RGS7: variants seen among roughly 807,000 people sequenced by gnomAD.
The protein encoded by RGS7 is regulator of G protein signaling 7, also known as regulator of G-protein signaling 7.
A neutral mutation model predicts 81.1 loss-of-function variants in RGS7; 27 were observed. That is an observed-to-expected ratio of 0.33 (90% CI 0.25 to 0.46). RGS7 has a LOEUF of 0.46. Ranked by LOEUF, RGS7 falls within the 20% of genes least tolerant of loss-of-function variation. The pLI is 1.00. For missense variants in RGS7, 396 were observed against 607.4 expected, an observed-to-expected ratio of 0.65 and a Z score of 3.66; for synonymous variants, 208 against 207.7, an observed-to-expected ratio of 1.00 and a Z score of -0.01.
chr1:241,137,607 G>A (rs1430378849), intron 2 of RGS7, among the ~76,000 whole-genome samples: 4 of 152,156 alleles, frequency 2.6e-5, no homozygotes, highest in Non-Finnish European at 5.9e-5. Flanking sequence ...AGTCACATTA[G>A]GCTCAATTCA....
chr1:241,296,745 G>A (rs953646334), intron 2 of RGS7, among the ~76,000 whole-genome samples: 1 of 152,222 alleles, frequency 6.6e-6, no homozygotes, highest in Non-Finnish European at 1.5e-5. Flanking sequence ...AGACACTGCT[G>A]TGTGGGACTC....
intron 2 of RGS7, among the ~76,000 whole-genome samples, chr1:241,204,325 C>T (rs1270173023): frequency 2.0e-5 from 3 of 152,168 alleles, no homozygotes; most frequent in African/African-American, 7.2e-5. Context: ...ATTTGCTCAC[C>T]AAGTTCTAGA....
chr1:241,056,481 C>T (rs2061486220), intron 3 of RGS7, among the ~76,000 whole-genome samples: 1 of 152,186 alleles, frequency 6.6e-6, no homozygotes, highest in Admixed American at 6.5e-5. Flanking sequence ...CCACATTTCT[C>T]TGGTTTACTA....
At chr1:241,350,335 T>C (rs10737863) in intron 2 of RGS7, among the ~76,000 whole-genome samples, 148,002 of 152,264 alleles carry the variant, frequency 0.97, 72,068 homozygotes, top group East Asian at 1. Context: ...GACAACATCC[T>C]TTGGTCCAGA....
chr1:241,298,416 A>G (rs2148486999), intron 2 of RGS7, among the ~76,000 whole-genome samples: 1 of 152,276 alleles, frequency 6.6e-6, no homozygotes, highest in South Asian at 2.1e-4. Context: ...CCTTAATCCA[A>G]ACTGGGATTT....
intron 2 of RGS7, among the ~76,000 whole-genome samples, chr1:241,340,335 G>T (rs2082470248): frequency 1.3e-5 from 2 of 152,148 alleles, no homozygotes; most frequent in Non-Finnish European, 2.9e-5. Flanking sequence ...CCTCAGAATA[G>T]AGGGAATGCT....
intron 3 of RGS7, among the ~76,000 whole-genome samples, chr1:241,087,019 G>A (rs756364672): frequency 3.3e-5 from 5 of 152,096 alleles, no homozygotes; most frequent in Non-Finnish European, 4.4e-5. Context: ...CCTCTATTGT[G>A]GAAATTATCT....
At chr1:240,965,982 G>C (rs924045983) in intron 4 of RGS7, among the ~76,000 whole-genome samples, 7 of 152,108 alleles carry the variant, frequency 4.6e-5, no homozygotes, top group African/African-American at 1.7e-4. Context: ...ATTGTAGAGG[G>C]AGGAGGTGCT....
At chr1:241,029,182 C>G (rs568976936) in intron 3 of RGS7, among the ~76,000 whole-genome samples, 13 of 151,734 alleles carry the variant, frequency 8.6e-5, no homozygotes, top group Non-Finnish European at 1.9e-4. Flanking sequence ...TAAAGCAGAA[C>G]AAATCCAAGA....
At chr1:241,136,555 C>T (rs1033603473) in intron 2 of RGS7, among the ~76,000 whole-genome samples, 5 of 152,088 alleles carry the variant, frequency 3.3e-5, no homozygotes, top group African/African-American at 4.8e-5. Context: ...CACTGCGCAC[C>T]GATCTTGAGC....
intron 3 of RGS7, among the ~76,000 whole-genome samples, chr1:241,047,658 C>T (rs371813437): frequency 4.6e-5 from 7 of 151,636 alleles, no homozygotes; most frequent in East Asian, 1.9e-4. Context: ...CAAGTAAACA[C>T]GATACACTTG....
chr1:241,019,343 CTT>C (rs140982851), intron 3 of RGS7, among the ~76,000 whole-genome samples: 3,880 of 151,948 alleles, frequency 0.026, 185 homozygotes, highest in African/African-American at 0.088. Flanking sequence ...AGAATTATAA[CTT>C]TATTTTATTT....
intron 14 of RGS7, among the ~76,000 whole-genome samples, chr1:240,811,395 G>T (rs1202067184): frequency 6.6e-6 from 1 of 152,186 alleles, no homozygotes; most frequent in East Asian, 1.9e-4. Flanking sequence ...ACTCTCTCAC[G>T]AACAGCTCAA....
chr1:241,278,133 C>T (rs908103910), intron 2 of RGS7, among the ~76,000 whole-genome samples: 1 of 152,118 alleles, frequency 6.6e-6, no homozygotes, highest in Non-Finnish European at 1.5e-5. Context: ...CCAAACAGGA[C>T]TTTATATTTG....
At chr1:241,201,991 C>A (rs1455561118) in intron 2 of RGS7, among the ~76,000 whole-genome samples, 1 of 140,570 alleles carries the variant, frequency 7.1e-6, no homozygotes, top group African/African-American at 2.7e-5. Context: ...CTCAACCCTG[C>A]AAACACACAG....
chr1:241,096,715 A>G (rs2064281797), intron 3 of RGS7, among the ~76,000 whole-genome samples: 1 of 152,206 alleles, frequency 6.6e-6, no homozygotes, highest in African/African-American at 2.4e-5. Flanking sequence ...CTGTTGAGAT[A>G]TTTGCTATCT....
At chr1:241,053,782 C>T (rs1238292088) in intron 3 of RGS7, among the ~76,000 whole-genome samples, 1 of 152,216 alleles carries the variant, frequency 6.6e-6, no homozygotes, top group East Asian at 1.9e-4. Context: ...TTCTCCCAAA[C>T]TGTTCTCATG....
intron 3 of RGS7, among the ~76,000 whole-genome samples, chr1:241,030,341 GT>G (rs2060003916): frequency 1.0e-5 from 1 of 97,664 alleles, no homozygotes; most frequent in South Asian, 3.3e-4. Context: ...GAGTTGCTTT[GT>G]TTTTTCCAGA....
chr1:240,826,967 G>C, intron 10 of RGS7, 131 bp downstream of exon 10: 1 of 782,442 alleles, frequency 1.3e-6, no homozygotes, highest in Non-Finnish European at 2.3e-6. Flanking sequence ...TCTTGAGGAA[G>C]GGAGGGCTGT....
Sources: allele counts gnomAD v4.1 joint callset (sites outside exome capture counted in the v4.1 genomes callset), GRCh38; gene constraint gnomAD v4.1.1; transcripts MANE v1.5; gene names NCBI Gene and HGNC (gene_info 2026-07-23, HGNC 2026-07-21).